Variants in GRIK4 observed in about 807,000 individuals in gnomAD.
The protein encoded by GRIK4 is glutamate ionotropic receptor kainate type subunit 4.
In GRIK4, 40 loss-of-function variants were observed where a neutral mutation model predicts 104.9. The observed-to-expected ratio is 0.38, with a 90% confidence interval of 0.30 to 0.50. The LOEUF (loss-of-function observed/expected upper bound fraction) is 0.50. Ranked by LOEUF, GRIK4 falls within the 20% of genes least tolerant of loss-of-function variation. GRIK4 has a pLI of 0.93. For missense variants in GRIK4, 1,047 were observed against 1,308.1 expected, an observed-to-expected ratio of 0.80 and a Z score of 3.08; for synonymous variants, 485 against 524.9, an observed-to-expected ratio of 0.92 and a Z score of 1.04.
At chr11:120,559,226 A>G (rs1347287506) in intron 1 of GRIK4, among the ~76,000 whole-genome samples, 1 of 152,178 alleles carries the variant, frequency 6.6e-6, no homozygotes, top group Non-Finnish European at 1.5e-5. Context: ...AGTGAGATCC[A>G]TGGTTCCCCA....
intron 1 of GRIK4, among the ~76,000 whole-genome samples, chr11:120,637,489 T>C (rs568329587): frequency 1.7e-4 from 26 of 152,154 alleles, no homozygotes; most frequent in Non-Finnish European, 3.7e-4. Context: ...ATAACAAATG[T>C]GCTGTAAATT....
chr11:120,699,901 G>C (rs1272537112), intron 3 of GRIK4, among the ~76,000 whole-genome samples: 1 of 152,218 alleles, frequency 6.6e-6, no homozygotes, highest in African/African-American at 2.4e-5. Context: ...GCAGGAGATA[G>C]TCAGAGATGT....
In GRIK4 at chr11:120,888,528, T is replaced by C. The variant is rs1475337768; in HGVS notation, c.1165-10004T>C. Among the ~76,000 whole-genome samples, 7 of 152,218 alleles carry C rather than the reference T, an allele frequency of 4.6e-5. 1 individual carries two copies. The highest frequency in any genetic ancestry group is 1.7e-4 in the African/African-American group (7 of 41,454). ...TATACTGTAGTTAGTCCTTCAGTTA[T>C]AACAAGTGACCAGGACTAGGAGTTC... On this transcript the variant is annotated intron_variant, in intron 11 of 20. Coordinates refer to ENST00000527524, the MANE Select transcript of GRIK4 (RefSeq NM_014619.5).
At position 120,520,472 on chromosome 11, in the gene GRIK4, AG is replaced by A. The variant is rs1947783372; in HGVS notation, c.-159+8588del. Among the ~76,000 whole-genome samples the A allele has an allele frequency of 5.3e-5, 8 of 152,330 alleles. No individual in the cohort carries two copies. The South Asian group carries it at 1.7e-3, about 32-fold the overall frequency. On this transcript the variant is annotated intron_variant, in intron 1 of 20. Transcript: ENST00000527524. ...TTCTTTTCCACCATGGAGGCCATCC[AG>A]GGAAGGGCCCGGTGTGGAGGCAGGA...
chr11:120,567,205 G>A (rs1256708471), intron 1 of GRIK4, among the ~76,000 whole-genome samples: 1 of 151,778 alleles, frequency 6.6e-6, no homozygotes, highest in Non-Finnish European at 1.5e-5. Context: ...TGTTCCCTAG[G>A]CTAGAGTGCA....
chr11:120,811,505 T>C (rs1952828075), intron 4 of GRIK4, among the ~76,000 whole-genome samples: 1 of 152,216 alleles, frequency 6.6e-6, no homozygotes, highest in South Asian at 2.1e-4. Flanking sequence ...ACAGTAATAG[T>C]ACCTATTTCC....
intron 3 of GRIK4, among the ~76,000 whole-genome samples, chr11:120,769,954 A>T (rs1200448598): frequency 6.6e-6 from 1 of 152,188 alleles, no homozygotes; most frequent in Non-Finnish European, 1.5e-5. Flanking sequence ...AGCTTAACCA[A>T]TATATAATTA....
intron 3 of GRIK4, among the ~76,000 whole-genome samples, chr11:120,790,105 C>T (rs1240496318): frequency 1.3e-5 from 2 of 152,096 alleles, no homozygotes; most frequent in Non-Finnish European, 2.9e-5. Flanking sequence ...GTGGGAGCAT[C>T]GTAAGATTTT....
chr11:120,959,172 A>G (rs1455367705), intron 16 of GRIK4, among the ~76,000 whole-genome samples: 1 of 152,222 alleles, frequency 6.6e-6, no homozygotes, highest in Non-Finnish European at 1.5e-5. Flanking sequence ...CAGAGCAGGC[A>G]TGATTATCCC....
At position 120,549,701 on chromosome 11, in the gene GRIK4, A is replaced by T. The variant is rs1257400933; in HGVS notation, c.-159+37814A>T. On this transcript the variant is annotated intron_variant, in intron 1 of 20. Transcript: ENST00000527524. This position sits in a 1 kb window ranked among gnomAD's most constrained non-coding sequence, Gnocchi z 4.7. ...AGGGCGGGTCGTGGGCCCCTGGGAGATCTGGGGTGCAGAGAAGGAGTGGGA... is the reference window on the plus strand; with the variant it reads ...AGGGCGGGTCGTGGGCCCCTGGGAGTTCTGGGGTGCAGAGAAGGAGTGGGA... Among the ~76,000 whole-genome samples, 1 of 152,130 alleles carries T rather than the reference A, an allele frequency of 6.6e-6. No homozygotes were observed. The highest frequency in any genetic ancestry group is 2.4e-5 in the African/African-American group (1 of 41,442).
intron 1 of GRIK4, among the ~76,000 whole-genome samples, chr11:120,611,688 C>G (rs1949040124): frequency 6.6e-6 from 1 of 152,202 alleles, no homozygotes; most frequent in African/African-American, 2.4e-5. Context: ...TGGTATAACC[C>G]TTCATCCATC....
intron 17 of GRIK4, 50 bp from the exon 18 acceptor site, chr11:120,962,406 A>G (rs758538581): frequency 9.0e-6 from 12 of 1,335,030 alleles, no homozygotes; most frequent in Middle Eastern, 1.8e-4. Context: ...TTTTAAGCCA[A>G]CGTTTCCTTC....
intron 3 of GRIK4, among the ~76,000 whole-genome samples, chr11:120,738,378 C>G (rs753721571): frequency 1.3e-5 from 2 of 152,154 alleles, no homozygotes; most frequent in South Asian, 2.1e-4. Flanking sequence ...TTCAAGGGAA[C>G]CTTGAGTGAT....
chr11:120,927,968 T>A (rs1380552055), intron 13 of GRIK4, among the ~76,000 whole-genome samples: 3 of 151,944 alleles, frequency 2.0e-5, no homozygotes, highest in African/African-American at 7.3e-5. Context: ...ATCCTAGCAC[T>A]TTGGGAGGCC....
chr11:120,580,278 CTTTA>C (rs1008218891), intron 1 of GRIK4, among the ~76,000 whole-genome samples: 14 of 129,642 alleles, frequency 1.1e-4, no homozygotes, highest in Admixed American at 1.5e-4. Flanking sequence ...TCCTTTCTTT[CTTTA>C]TTTATTTTTT....
Position 120,760,197 on chromosome 11 carries a change from G to C in GRIK4, c.83-42496G>C, listed in dbSNP as rs1951722559. 2.0e-5 allele frequency among the ~76,000 whole-genome samples: 3 copies of C among 151,552 alleles called. No individual in the cohort carries two copies. In the South Asian group the frequency reaches 6.2e-4, roughly 32 times the overall value. ...ACTGTTTTATTCTCTGTGTATGTGA[G>C]TTCTTCTTTATAAAAATATTCTACA... is the stretch of plus-strand genomic sequence containing the variant. On this transcript the variant is annotated intron_variant, in intron 3 of 20. Transcript: ENST00000527524.
chr11:120,629,186 A>G (rs960285940), intron 1 of GRIK4, among the ~76,000 whole-genome samples: 1 of 152,200 alleles, frequency 6.6e-6, no homozygotes, highest in Non-Finnish European at 1.5e-5. Flanking sequence ...GGAGGGAAGC[A>G]TAATTGAGAA....
At chr11:120,917,369 G>A (rs1482344179) in intron 13 of GRIK4, among the ~76,000 whole-genome samples, 2 of 151,762 alleles carry the variant, frequency 1.3e-5, no homozygotes, top group African/African-American at 2.4e-5. Flanking sequence ...TAACACCTAT[G>A]TGCCAGTCAC....
chr11:120,758,696 A>G (rs893795586), intron 3 of GRIK4, among the ~76,000 whole-genome samples: 22 of 152,226 alleles, frequency 1.4e-4, no homozygotes, highest in Non-Finnish European at 5.9e-5. Flanking sequence ...TATTCAGGAC[A>G]CTGGAGTGAA....
Sources: allele counts gnomAD v4.1 joint callset (sites outside exome capture counted in the v4.1 genomes callset), GRCh38; gene constraint gnomAD v4.1.1; non-coding constraint Gnocchi (gnomAD v3.1); transcripts MANE v1.5; gene names NCBI Gene and HGNC (gene_info 2026-07-23, HGNC 2026-07-21).